The following CUX1 variants were observed in gnomAD, a reference collection of about 807,000 sequenced individuals.
CUX1 encodes protein CASP.
CUX1 carries 31 observed loss-of-function variants against 158.8 expected under a neutral mutation model. That is an observed-to-expected ratio of 0.20 (90% CI 0.15 to 0.26). CUX1 has a LOEUF of 0.26. Among genes scored for constraint, CUX1 ranks in the 10% least tolerant of loss-of-function variants. CUX1 has a pLI of 1.00. For missense variants in CUX1, 1,589 were observed against 2,014.6 expected, an observed-to-expected ratio of 0.79 and a Z score of 4.04; for synonymous variants, 879 against 862.1, an observed-to-expected ratio of 1.02 and a Z score of -0.34.
At position 102,201,943 on chromosome 7, in the gene CUX1, G is replaced by T. The variant is rs1554519932; in HGVS notation, c.2646G>T (p.Trp882Cys). 6.2e-7 allele frequency: 1 copy of T among 1,614,048 alleles called. No homozygotes were observed. Among genetic ancestry groups the T allele is most frequent in the Non-Finnish European group, 8.5e-7 (1 of 1,180,026 alleles). The change falls in exon 18 of 24, where the codon TGG (tryptophan) becomes TGT (cysteine). Residue 882 changes from tryptophan to cysteine, a missense_variant. By Grantham distance (215) the Trp-to-Cys change is radical. Coordinates refer to ENST00000292535, the MANE Select transcript of CUX1 (RefSeq NM_181552.4). The surrounding 1 kb of genome is among the most constrained non-coding windows in gnomAD (Gnocchi z 5.0). ...GPSSSEYWKE[W>C]PSAESPYSQS... The stretch of plus-strand genomic sequence containing the variant: ...CGTCGTCAGAGTACTGGAAGGAGTG[G>T]CCCAGCGCTGAGTCCCCATACTCCC...
intron 2 of CUX1, among the ~76,000 whole-genome samples, chr7:101,972,607 G>C (rs1812103679): frequency 6.6e-6 from 1 of 152,176 alleles, no homozygotes; most frequent in Non-Finnish European, 1.5e-5. Context: ...TCTGCTGGTG[G>C]CCCTTTCTGC....
At chr7:102,073,857 A>G (rs966686981) in intron 4 of CUX1, among the ~76,000 whole-genome samples, 9 of 152,184 alleles carry the variant, frequency 5.9e-5, no homozygotes, top group Admixed American at 4.6e-4. Context: ...GTTTAAATTG[A>G]TGGATGGTGG....
upstream of CUX1, among the ~76,000 whole-genome samples, chr7:101,816,729 C>G (rs1169418405): frequency 1.4e-5 from 2 of 144,684 alleles, no homozygotes; most frequent in African/African-American, 4.9e-5. Flanking sequence ...GTGGTGCCGC[C>G]GGCTCGGGGG....
intron 1 of CUX1, among the ~76,000 whole-genome samples, chr7:101,895,868 C>T (rs1390861386): frequency 2.1e-5 from 3 of 144,316 alleles, no homozygotes; most frequent in Non-Finnish European, 3.0e-5. Context: ...TTGGGGGCCA[C>T]GTTTCCTTGT....
chr7:101,962,887 A>G (rs1381514494), intron 2 of CUX1, among the ~76,000 whole-genome samples: 1 of 151,776 alleles, frequency 6.6e-6, no homozygotes, highest in Non-Finnish European at 1.5e-5. Flanking sequence ...CACCAGGCCA[A>G]TTTTTGTATT....
At position 102,106,310 on chromosome 7, in the gene CUX1, G is replaced by A. The variant is rs370902422; in HGVS notation, c.530+1851G>A. 2.2e-4 allele frequency among the ~76,000 whole-genome samples: 33 copies of A among 152,062 alleles called. No homozygotes were observed. In the East Asian group the frequency reaches 3.9e-3, roughly 18 times the overall value. On this transcript the variant is annotated intron_variant, in intron 6 of 23. Coordinates refer to ENST00000292535, the MANE Select transcript of CUX1 (RefSeq NM_181552.4). ...TCACTATGTCGGCCAGGATGGTCTC[G>A]ATCTCTTGACCTTGTGATCTGCCCG...
rs888843873 is a variant in CUX1, at chr7:102,083,615, G to A, written c.268+13198G>A. On this transcript the variant is annotated intron_variant, in intron 4 of 23. Coordinates refer to ENST00000292535, the MANE Select transcript of CUX1 (RefSeq NM_181552.4). ...GCCACCGTGCCTGGCTTCTGTATACGTTTTAGATTCAGCTTGTCAGTTTTT... is the reference window on the plus strand; with the variant it reads ...GCCACCGTGCCTGGCTTCTGTATACATTTTAGATTCAGCTTGTCAGTTTTT... Among the ~76,000 whole-genome samples, 5 of 147,018 alleles carry A rather than the reference G, an allele frequency of 3.4e-5. 2 individuals are homozygous for A. Among genetic ancestry groups the A allele is most frequent in the Non-Finnish European group, 6.1e-5 (4 of 65,140 alleles).
intron 10 of CUX1, among the ~76,000 whole-genome samples, chr7:102,177,143 G>A (rs1207150353): frequency 2.0e-5 from 3 of 152,000 alleles, no homozygotes; most frequent in Middle Eastern, 3.2e-3. Flanking sequence ...GCCGGGCACA[G>A]TGGCTCATGC....
At chr7:101,832,851 G>A (rs1045775082) in intron 1 of CUX1, among the ~76,000 whole-genome samples, 4 of 152,058 alleles carry the variant, frequency 2.6e-5, no homozygotes, top group Non-Finnish European at 5.9e-5. Flanking sequence ...CCTGTGGCCT[G>A]CTCCGGTGCC....
intron 1 of CUX1, chr7:101,913,404 C>T (rs1393150586): frequency 1.5e-5 from 19 of 1,262,234 alleles, no homozygotes; most frequent in East Asian, 5.9e-5. Context: ...AGCAAGTTGC[C>T]GCAGGCGCAC....
chr7:101,889,588 T>G (rs557338804), intron 1 of CUX1, among the ~76,000 whole-genome samples: 108 of 152,212 alleles, frequency 7.1e-4, no homozygotes, highest in Non-Finnish European at 1.3e-3. Context: ...CTGGCCAGCA[T>G]GGTGGAACCC....
At chr7:101,954,645 C>T (rs971221034) in intron 2 of CUX1, among the ~76,000 whole-genome samples, 2 of 151,968 alleles carry the variant, frequency 1.3e-5, no homozygotes, top group Non-Finnish European at 1.5e-5. Flanking sequence ...CCCTTCTCTA[C>T]AGTGTGCTGG....
At chr7:102,006,422 A>G (rs181358827) in intron 2 of CUX1, among the ~76,000 whole-genome samples, 11 of 152,142 alleles carry the variant, frequency 7.2e-5, no homozygotes, top group Non-Finnish European at 1.5e-5. Context: ...TTTGAGACAG[A>G]GTCTCGCGCT....
chr7:102,142,423 T>G (rs1244069251), intron 8 of CUX1, among the ~76,000 whole-genome samples: 1 of 151,974 alleles, frequency 6.6e-6, no homozygotes, highest in Non-Finnish European at 1.5e-5. Context: ...AAACAATGGG[T>G]ATAGATGACA....
intron 10 of CUX1, among the ~76,000 whole-genome samples, chr7:102,174,407 C>T (rs1554511222): frequency 6.6e-6 from 1 of 152,198 alleles, no homozygotes; most frequent in African/African-American, 2.4e-5. Context: ...GCGTGAGCCA[C>T]CGCACCCAGC....
intron 8 of CUX1, chr7:102,125,760 T>G (rs536031314): frequency 3.9e-4 from 59 of 151,882 alleles, no homozygotes; most frequent in African/African-American, 1.4e-3. Context: ...TGAATATACA[T>G]AAATAATTTT....
chr7:101,993,739 T>C (rs1490519397), intron 2 of CUX1, among the ~76,000 whole-genome samples: 1 of 152,220 alleles, frequency 6.6e-6, no homozygotes, highest in Non-Finnish European at 1.5e-5. Context: ...CTCTGACTTC[T>C]GTCCCAGCCT....
chr7:102,266,219 A>AAAG (rs1554545041), intron 14 of CUX1, among the ~76,000 whole-genome samples: 114 of 147,696 alleles, frequency 7.7e-4, no homozygotes, highest in African/African-American at 2.8e-3. Flanking sequence ...AAAAAAAAAA[A>AAAG]AGAGAGAGAG....
chr7:102,155,979 C>A (rs1554505118), intron 8 of CUX1, among the ~76,000 whole-genome samples: 1 of 152,188 alleles, frequency 6.6e-6, no homozygotes, highest in African/African-American at 2.4e-5. Flanking sequence ...ATTTGACAGG[C>A]TTTTTCAGAC....
Sources: allele counts gnomAD v4.1 joint callset (sites outside exome capture counted in the v4.1 genomes callset), GRCh38; gene constraint gnomAD v4.1.1; non-coding constraint Gnocchi (gnomAD v3.1); transcripts MANE v1.5; gene names NCBI Gene and HGNC (gene_info 2026-07-23, HGNC 2026-07-21).